UNC5B: variants seen among roughly 807,000 people sequenced by gnomAD.
The protein encoded by UNC5B is netrin receptor UNC5B.
In UNC5B, 56 loss-of-function variants were observed where a neutral mutation model predicts 103.7. The ratio of observed to expected loss-of-function variants is 0.54; its 90% CI spans 0.44 to 0.67. The LOEUF (loss-of-function observed/expected upper bound fraction) is 0.67, where lower values mean the gene tolerates loss of function less well. Ranked by LOEUF, UNC5B falls within the 30% of genes least tolerant of loss-of-function variation. The pLI is 0.00. For synonymous variants in UNC5B, 577 were observed against 542.0 expected (o/e 1.06, Z -0.90); for missense variants, 1,194 against 1,284.5 (o/e 0.93, Z 1.08).
At position 71,293,773 on chromosome 10, in the gene UNC5B, T is replaced by C. The variant is rs1170069907; in HGVS notation, c.2015T>C (p.Ile672Thr). Residue 672 changes from isoleucine (I) to threonine (T), a missense_variant, in exon 13 of 17, where the codon ATC becomes ACC. Ile to Thr is a moderately conservative substitution (Grantham distance 89). Coordinates refer to ENST00000335350, the MANE Select transcript of UNC5B (RefSeq NM_170744.5). ...YCQLEPRACH[I>T]LLDQLGTYVF... is the part of the protein sequence containing the mutation. ...CAGCTGGAGCCCAGGGCCTGTCACA[T>C]CCTGCTGGACCAGCTGGGCACCTAC... The C allele has an allele frequency of 9.4e-6, 15 of 1,601,052 alleles. No homozygotes were observed. The highest frequency in any genetic ancestry group is 1.3e-5 in the African/African-American group (1 of 74,454).
intron 1 of UNC5B, among the ~76,000 whole-genome samples, chr10:71,223,535 A>G (rs1843491949): frequency 6.6e-6 from 1 of 152,146 alleles, no homozygotes; most frequent in Non-Finnish European, 1.5e-5. Context: ...GCCCCTAGGT[A>G]GGAAGGAATT....
At chr10:71,226,233 C>G (rs960198356) in intron 1 of UNC5B, among the ~76,000 whole-genome samples, 2 of 152,160 alleles carry the variant, frequency 1.3e-5, no homozygotes, top group Non-Finnish European at 2.9e-5. Context: ...CGCCACCACA[C>G]TCGGCTAATT....
chr10:71,289,182 C>A (rs1564511363), intron 8 of UNC5B, among the ~76,000 whole-genome samples, 192 bp downstream of exon 8: 2 of 152,108 alleles, frequency 1.3e-5, no homozygotes, highest in African/African-American at 4.8e-5. Flanking sequence ...CCTTGGCTGA[C>A]AGAAAAGAAA....
rs1105173 is a variant in UNC5B, at chr10:71,296,206, C to T, written c.2325+246C>T. Among the ~76,000 whole-genome samples the T allele has an allele frequency of 1.8e-3, 268 of 152,336 alleles. 1 individual carries two copies. Among genetic ancestry groups the T allele is most frequent in the African/African-American group, 5.8e-3 (243 of 41,586 alleles). On this transcript the variant is annotated intron_variant, in intron 14 of 16. Coordinates refer to ENST00000335350, the MANE Select transcript of UNC5B (RefSeq NM_170744.5). ...CCTGTCACACCCTCACACGCACAGA[C>T]GACTATGCCCTTCATCCTCACAGAG...
chr10:71,250,607 T>G (rs1284293789), intron 1 of UNC5B, among the ~76,000 whole-genome samples: 6 of 152,200 alleles, frequency 3.9e-5, no homozygotes, highest in Non-Finnish European at 8.8e-5. Flanking sequence ...ACATCTGGAC[T>G]CATTTACAGA....
intron 2 of UNC5B, among the ~76,000 whole-genome samples, chr10:71,282,215 A>G (rs759667238): frequency 2.6e-5 from 4 of 152,098 alleles, no homozygotes; most frequent in Non-Finnish European, 5.9e-5. Context: ...CCTACTCTCT[A>G]GCCTTGGTCT....
At chr10:71,256,356 T>C (rs1844290402) in intron 1 of UNC5B, among the ~76,000 whole-genome samples, 1 of 152,140 alleles carries the variant, frequency 6.6e-6, no homozygotes, top group African/African-American at 2.4e-5. Context: ...GCAGCTGGGC[T>C]CAGGAGAGCC....
intron 1 of UNC5B, among the ~76,000 whole-genome samples, chr10:71,243,390 G>A (rs924428019): frequency 7.9e-5 from 12 of 152,284 alleles, no homozygotes; most frequent in Non-Finnish European, 1.2e-4. Flanking sequence ...GGATGGGGAC[G>A]TCTTCTGCCT....
intron 1 of UNC5B, among the ~76,000 whole-genome samples, chr10:71,278,146 C>T (rs1313145074): frequency 1.3e-5 from 2 of 152,222 alleles, no homozygotes; most frequent in Non-Finnish European, 2.9e-5. Flanking sequence ...ATAGAACATA[C>T]CTTACAGGGT....
At chr10:71,234,627 A>G (rs914904628) in intron 1 of UNC5B, among the ~76,000 whole-genome samples, 1 of 152,188 alleles carries the variant, frequency 6.6e-6, no homozygotes, top group African/African-American at 2.4e-5. Flanking sequence ...CACTTTCTAG[A>G]TGGAATCCCT....
rs910753771 is a variant in UNC5B at position 71,292,554 on chromosome 10, T to C, written c.1772T>C (p.Leu591Pro). 1.3e-6 allele frequency: 2 copies of C among 1,598,646 alleles called. No homozygotes were observed. The highest frequency in any genetic ancestry group is 1.7e-6 in the Non-Finnish European group (2 of 1,172,444). Reference protein sequence around the residue: ...YLLINKAESTLPLSEGTQTVL... With the variant: ...YLLINKAESTPPLSEGTQTVL... ...CTCATCAACAAGGCAGAAAGTACCC[T>C]GTGAGTAGAGCCCCAGCCGCTGCTC... The change falls in exon 11 of 17, where the codon CTC (leucine) becomes CCC (proline). Residue 591 changes from leucine to proline, a missense_variant and splice_region_variant. Leu to Pro is a moderately conservative substitution (Grantham distance 98). Transcript: ENST00000335350.
intron 1 of UNC5B, among the ~76,000 whole-genome samples, chr10:71,214,431 T>C (rs1843293408): frequency 6.6e-6 from 1 of 152,090 alleles, no homozygotes. Flanking sequence ...GGGCAGACTC[T>C]GGTATTTAAA....
chr10:71,224,959 A>G (rs565698344), intron 1 of UNC5B, among the ~76,000 whole-genome samples: 1 of 152,360 alleles, frequency 6.6e-6, no homozygotes, highest in East Asian at 1.9e-4. Flanking sequence ...CACCGTGGAT[A>G]CAGTTCAGGA....
At chr10:71,283,971 G>A (rs1190175682) in intron 2 of UNC5B, among the ~76,000 whole-genome samples, 1 of 152,184 alleles carries the variant, frequency 6.6e-6, no homozygotes, top group Admixed American at 6.5e-5. Flanking sequence ...CAGCAAGCAG[G>A]ACAAAGCCCC....
intron 4 of UNC5B, 99 bp downstream of exon 4, chr10:71,285,528 C>A: frequency 2.9e-6 from 3 of 1,017,720 alleles, no homozygotes; most frequent in Non-Finnish European, 4.2e-6. Flanking sequence ...TGCTAGTCTC[C>A]CAGAGCCCTG....
chr10:71,297,203 A>C (rs1254235439), intron 15 of UNC5B, among the ~76,000 whole-genome samples: 2 of 151,992 alleles, frequency 1.3e-5, no homozygotes, highest in African/African-American at 4.9e-5. Context: ...TTTTCTAACA[A>C]GTGTCATTTA....
At chr10:71,225,546 A>G (rs1035498020) in intron 1 of UNC5B, among the ~76,000 whole-genome samples, 3 of 152,232 alleles carry the variant, frequency 2.0e-5, no homozygotes, top group African/African-American at 7.2e-5. Context: ...GGTTAGTGTC[A>G]GTGCTGGGTT....
chr10:71,285,259 A>G, intron 3 of UNC5B, 67 bp from the exon 4 acceptor site: 1 of 1,466,000 alleles, frequency 6.8e-7, no homozygotes, highest in Non-Finnish European at 9.4e-7. Context: ...CAGTGGCTAC[A>G]GTGTAGCACA....
intron 4 of UNC5B, 59 bp downstream of exon 4, chr10:71,285,488 G>GGCTTCT: frequency 1.4e-6 from 2 of 1,423,614 alleles, no homozygotes; most frequent in Non-Finnish European, 9.4e-7. Flanking sequence ...GCAGAAGCCA[G>GGCTTCT]GCAGGCATGG....
Sources: gnomAD v4.1 joint callset for allele counts (sites outside exome capture counted in the v4.1 genomes callset) on GRCh38, gnomAD v4.1.1 for gene constraint, MANE v1.5 for transcripts, NCBI Gene and HGNC (gene_info 2026-07-23, HGNC 2026-07-21) for gene names.